The following BRD7 variants were observed in gnomAD, a reference collection of about 807,000 sequenced individuals.
BRD7 encodes the protein bromodomain containing 7.
In BRD7, 15 loss-of-function variants were observed where a neutral mutation model predicts 82.1. The observed-to-expected ratio is 0.18, with a 90% confidence interval of 0.12 to 0.28. The LOEUF is 0.28. Among genes scored for constraint, BRD7 ranks in the 10% least tolerant of loss-of-function variants. The probability of loss-of-function intolerance (pLI) is 1.00; values close to 1 mark genes in which losing one functional copy is unlikely to be tolerated. For missense variants in BRD7, 638 were observed against 779.9 expected (o/e 0.82, Z 2.17); for synonymous variants, 232 against 266.9 (o/e 0.87, Z 1.27).
intron 2 of BRD7, among the ~76,000 whole-genome samples, chr16:50,367,768 C>T (rs147751245): frequency 2.0e-5 from 3 of 152,204 alleles, no homozygotes; most frequent in African/African-American, 7.2e-5. Flanking sequence ...CTATTTTTGA[C>T]AATCCTTGAA....
At chr16:50,367,146 A>C (rs2039178082) in intron 2 of BRD7, among the ~76,000 whole-genome samples, 2 of 152,238 alleles carry the variant, frequency 1.3e-5, no homozygotes, top group South Asian at 4.1e-4. Context: ...CTAACCTATG[A>C]AAATTTACCT....
At chr16:50,364,815 C>T (rs2039076370) in intron 2 of BRD7, among the ~76,000 whole-genome samples, 1 of 152,004 alleles carries the variant, frequency 6.6e-6, no homozygotes, top group Admixed American at 6.6e-5. Context: ...ACTATGTAAT[C>T]GATATAAAGA....
chr16:50,364,950 G>A (rs748128106), intron 2 of BRD7, among the ~76,000 whole-genome samples: 14 of 152,188 alleles, frequency 9.2e-5, no homozygotes, highest in East Asian at 1.9e-4. Context: ...GACGATGGCC[G>A]GAACAAAGAG....
In BRD7 at chr16:50,335,009, C is replaced by T; in HGVS notation, c.703-114G>A. 5 of 1,024,498 alleles carry T rather than the reference C, an allele frequency of 4.9e-6. No homozygotes were observed. In the South Asian group the frequency reaches 9.3e-5, roughly 19 times the overall value. The allele number at this position is 1,024,498 out of a possible 1,614,324, so 63.5% of individuals were successfully genotyped here. ...CCTGTCATTAACCAGGGAAGAAAAA[C>T]AATTAAATGTAATCATATACCAAGA... On this transcript the variant is annotated intron_variant, in intron 6 of 16. Coordinates refer to ENST00000394688, the MANE Select transcript of BRD7 (RefSeq NM_013263.5).
Position 50,319,934 on chromosome 16 carries a change from G to C in BRD7, c.1853C>G (p.Ser618Cys). The part of the protein sequence containing the change: ...TYGVRKAMGI[S>C]IPSPVMENNF... The stretch of plus-strand genomic sequence containing the variant: ...GTTTTCCATGACGGGGGAAGGAATG[G>C]AAATCCCCATTGCTTTTCGAACTCC... Residue 618 changes from serine to cysteine, a missense_variant, in exon 16 of 17, where the codon TCC (serine) becomes TGC (cysteine). Transcript: ENST00000394688. The C allele has an allele frequency of 6.2e-7, 1 of 1,612,572 alleles. No individual in the cohort carries two copies. Among genetic ancestry groups the C allele is most frequent in the Non-Finnish European group, 8.5e-7 (1 of 1,179,964 alleles).
rs1009894135 is a variant in BRD7, at chr16:50,360,878, G to C, written c.259-5956C>G. 3.9e-5 allele frequency among the ~76,000 whole-genome samples: 6 copies of C among 152,308 alleles called. 1 individual carries two copies. Among genetic ancestry groups the C allele is most frequent in the Admixed American group, 3.9e-4 (6 of 15,300 alleles). On this transcript the variant is annotated intron_variant, in intron 2 of 16. Coordinates refer to ENST00000394688, the MANE Select transcript of BRD7 (RefSeq NM_013263.5). ...GGGTTGAGACGACTACCTCAGGAGG[G>C]ACACACACAGACCAATGCTGAGAAA...
At chr16:50,353,087 T>A (rs969835407) in intron 4 of BRD7, among the ~76,000 whole-genome samples, 5 of 142,240 alleles carry the variant, frequency 3.5e-5, no homozygotes, top group Non-Finnish European at 6.2e-5. Context: ...TTTTTTTTTT[T>A]AGAAAAGATC....
At chr16:50,347,461 A>G (rs886069976) in intron 5 of BRD7, among the ~76,000 whole-genome samples, 5 of 152,194 alleles carry the variant, frequency 3.3e-5, no homozygotes, top group Non-Finnish European at 7.3e-5. Flanking sequence ...GAAAAGAGGA[A>G]GTCAAATTGT....
At chr16:50,354,751 C>T (rs1188081470) in intron 3 of BRD7, 42 bp downstream of exon 3, 20 of 1,585,032 alleles carry the variant, frequency 1.3e-5, no homozygotes, top group Non-Finnish European at 1.7e-5. Context: ...ATAATGATTT[C>T]AGCCTCCTCA....
chr16:50,363,051 A>G lies in BRD7; in HGVS notation c.258+5039T>C, dbSNP rs139193264. Among the ~76,000 whole-genome samples, 3 of 152,362 alleles carry G rather than the reference A, an allele frequency of 2.0e-5. No individual in the cohort carries two copies. In the East Asian group the frequency reaches 5.8e-4, roughly 29 times the overall value. On this transcript the variant is annotated intron_variant, in intron 2 of 16. Transcript: ENST00000394688. ...AGGATGTACTATATGCCTGATAAGTAGCAGTTGTTATTTGTAAAACGTTAC... is the reference window on the plus strand; with the variant it reads ...AGGATGTACTATATGCCTGATAAGTGGCAGTTGTTATTTGTAAAACGTTAC...
intron 5 of BRD7, among the ~76,000 whole-genome samples, chr16:50,345,104 A>G (rs933356784): frequency 2.0e-5 from 3 of 152,164 alleles, no homozygotes; most frequent in Non-Finnish European, 4.4e-5. Context: ...AGAGAGTGGG[A>G]GCCAATATTC....
chr16:50,328,072 A>C (rs763726334), intron 9 of BRD7, among the ~76,000 whole-genome samples: 3 of 152,238 alleles, frequency 2.0e-5, no homozygotes, highest in Non-Finnish European at 1.5e-5. Flanking sequence ...TTCTCTCCTC[A>C]GACCAGTGAC....
intron 7 of BRD7, among the ~76,000 whole-genome samples, chr16:50,334,438 A>G (rs182958230): frequency 1.3e-4 from 20 of 152,338 alleles, no homozygotes; most frequent in Admixed American, 3.3e-4. Context: ...CTCACTGACC[A>G]TATCAGTCCC....
intron 16 of BRD7, 104 bp from the exon 17 acceptor site, chr16:50,319,370 CCTT>C (rs1157691219): frequency 3.1e-5 from 32 of 1,016,552 alleles, no homozygotes; most frequent in Non-Finnish European, 4.5e-5. Context: ...TGCTGAGAGC[CCTT>C]CTTCACCACA....
chr16:50,350,926 A>G (rs990694908), intron 4 of BRD7, among the ~76,000 whole-genome samples: 1 of 152,170 alleles, frequency 6.6e-6, no homozygotes, highest in Non-Finnish European at 1.5e-5. Context: ...CCAGGCAGTG[A>G]TATTTCCACA....
rs1245282952 is a variant in BRD7, at chr16:50,368,446, G to T, written c.50-148C>A. 6.5e-6 allele frequency: 6 copies of T among 926,320 alleles called. No homozygotes were observed. In the East Asian group the frequency reaches 8.0e-5, roughly 12 times the overall value. The allele number at this position is 926,320 out of a possible 1,614,324, so 57.4% of individuals were successfully genotyped here. On this transcript the variant is annotated intron_variant, in intron 1 of 16. Transcript: ENST00000394688. ...AGCACCTGTTGAATGACGGACCCCG[G>T]CCCGGGGGTGCGGCGGCGCCGCCCG...
intron 12 of BRD7, among the ~76,000 whole-genome samples, chr16:50,323,377 A>C (rs531481934): frequency 1.3e-5 from 2 of 152,314 alleles, no homozygotes; most frequent in South Asian, 4.1e-4. Context: ...TGAGGAGATA[A>C]GGATAACGCT....
intron 8 of BRD7, among the ~76,000 whole-genome samples, chr16:50,332,351 GAACA>G (rs1567606633): frequency 6.6e-6 from 1 of 152,170 alleles, no homozygotes; most frequent in African/African-American, 2.4e-5. Flanking sequence ...CAAAGGACAT[GAACA>G]GACACCACTC....
chr16:50,346,562 C>T (rs2038291822), intron 5 of BRD7, among the ~76,000 whole-genome samples: 1 of 152,014 alleles, frequency 6.6e-6, no homozygotes, highest in Admixed American at 6.6e-5. Flanking sequence ...CAAATAGATG[C>T]AATAAAAAAT....
Sources: gnomAD v4.1 joint callset for allele counts (sites outside exome capture counted in the v4.1 genomes callset) on GRCh38, gnomAD v4.1.1 for gene constraint, MANE v1.5 for transcripts, NCBI Gene and HGNC (gene_info 2026-07-23, HGNC 2026-07-21) for gene names.